The following TPST2 variants were observed in gnomAD, a reference collection of about 807,000 sequenced individuals.
TPST2 encodes the protein protein-tyrosine sulfotransferase 2.
Under a neutral mutation model 27.8 loss-of-function variants are expected in TPST2, and 16 were observed. The observed-to-expected ratio is 0.58, with a 90% CI of 0.39 to 0.88. TPST2 has a LOEUF of 0.88. TPST2 is among the 40% of genes least tolerant of loss of function. TPST2 has a pLI of 0.00. For missense variants in TPST2, 464 were observed against 543.1 expected, an observed-to-expected ratio of 0.85 and a Z score of 1.45; for synonymous variants, 229 against 231.7, an observed-to-expected ratio of 0.99 and a Z score of 0.10.
At chr22:26,535,116 AG>A (rs1925379107) in intron 4 of TPST2, among the ~76,000 whole-genome samples, 1 of 152,234 alleles carries the variant, frequency 6.6e-6, no homozygotes, top group Non-Finnish European at 1.5e-5. Context: ...AGTGAGTGCT[AG>A]AGAGGTGGTA....
At chr22:26,549,996 T>C (rs5761590) in intron 1 of TPST2, among the ~76,000 whole-genome samples, 86,604 of 148,246 alleles carry the variant, frequency 0.58, 25,631 homozygotes, top group Non-Finnish European at 0.62. Flanking sequence ...GCCGAGATCA[T>C]GCCACTGCAC....
Position 26,534,582 on chromosome 22 carries a change from G to A in TPST2, c.1041+1706C>T, listed in dbSNP as rs189805588. Among the ~76,000 whole-genome samples, 436 of 152,298 alleles carry A rather than the reference G, an allele frequency of 2.9e-3. 1 individual carries two copies. The highest frequency in any genetic ancestry group is 0.01 in the Middle Eastern group (3 of 294). On this transcript the variant is annotated intron_variant, in intron 4 of 6. Transcript: ENST00000338754. ...TAGCCTGGGGCAAGCCAGGGGCAGC[G>A]AGCCACCTTTTAAGGAGACCCCAGA...
intron 1 of TPST2, among the ~76,000 whole-genome samples, chr22:26,559,363 C>T (rs1926966487): frequency 6.6e-6 from 1 of 151,858 alleles, no homozygotes; most frequent in South Asian, 2.1e-4. Context: ...GAAACTCCAT[C>T]TCAAAAAAAA....
intron 1 of TPST2, among the ~76,000 whole-genome samples, chr22:26,556,796 A>G (rs1457242956): frequency 6.6e-6 from 1 of 152,182 alleles, no homozygotes; most frequent in Non-Finnish European, 1.5e-5. Flanking sequence ...AGGAGTCTAG[A>G]TTCACCTTCC....
chr22:26,554,442 C>T (rs530084872), intron 1 of TPST2, among the ~76,000 whole-genome samples: 5 of 152,294 alleles, frequency 3.3e-5, no homozygotes. Context: ...CCCTCACCCC[C>T]ACCCACCATG....
chr22:26,560,820 CCTT>C (rs1927048505), intron 1 of TPST2: 4 of 1,489,030 alleles, frequency 2.7e-6, no homozygotes, highest in Non-Finnish European at 2.8e-6. Flanking sequence ...CAAGAGGACT[CCTT>C]CGGCCTTCTT....
intron 1 of TPST2, among the ~76,000 whole-genome samples, chr22:26,582,852 A>G (rs1304476526): frequency 6.6e-6 from 1 of 152,126 alleles, no homozygotes; most frequent in Non-Finnish European, 1.5e-5. Context: ...CTTCTGGGAA[A>G]TGGCGTGGTC....
intron 5 of TPST2, among the ~76,000 whole-genome samples, chr22:26,532,020 G>A (rs1191843434): frequency 6.6e-6 from 1 of 152,216 alleles, no homozygotes; most frequent in Non-Finnish European, 1.5e-5. Context: ...TGTAGTCTCA[G>A]CTTCTTGAGG....
rs565103899 is a variant in TPST2 at position 26,524,806 on chromosome 22, C to G, written c.*1469G>C. The G allele has an allele frequency of 6.6e-6, 1 of 152,238 alleles. No homozygotes were observed. Among genetic ancestry groups the G allele is most frequent in the Non-Finnish European group, 1.5e-5 (1 of 68,060 alleles). The allele number at this position is 152,238 out of a possible 1,614,324, so 9.4% of individuals were successfully genotyped here. ...TCAGCAGGCTTGAAGTGTCCAAACC[C>G]AGCACATCTCAAAGAAAAAACTGGC... On this transcript the variant is annotated 3_prime_UTR_variant, in exon 7 of 7. Transcript: ENST00000338754.
chr22:26,536,537 T>C, intron 3 of TPST2, 51 bp from the exon 4 acceptor site: 2 of 1,417,536 alleles, frequency 1.4e-6, no homozygotes, highest in South Asian at 1.7e-5. Context: ...AGATGGCGCC[T>C]GAGCGGATTC....
intron 6 of TPST2, among the ~76,000 whole-genome samples, chr22:26,527,363 G>T (rs1924898567): frequency 6.6e-6 from 1 of 152,076 alleles, no homozygotes; most frequent in Non-Finnish European, 1.5e-5. Context: ...CACAGCGAGG[G>T]CCCAGCACTT....
At chr22:26,534,905 G>T (rs1014933752) in intron 4 of TPST2, among the ~76,000 whole-genome samples, 8 of 152,002 alleles carry the variant, frequency 5.3e-5, no homozygotes, top group Non-Finnish European at 1.0e-4. Context: ...ACCACATCTG[G>T]GTTGCAGCCA....
At chr22:26,542,111 G>A (rs189085938) in intron 2 of TPST2, among the ~76,000 whole-genome samples, 239 of 152,130 alleles carry the variant, frequency 1.6e-3, no homozygotes, top group Non-Finnish European at 2.3e-3. Context: ...GCATGGTGGC[G>A]GGCGCCTGTA....
intron 5 of TPST2, among the ~76,000 whole-genome samples, chr22:26,529,134 G>A (rs1374556053): frequency 6.6e-6 from 1 of 151,948 alleles, no homozygotes; most frequent in Non-Finnish European, 1.5e-5. Flanking sequence ...AACTTTTTTT[G>A]TTGTTTGAGA....
intron 1 of TPST2, among the ~76,000 whole-genome samples, chr22:26,573,679 G>A (rs557036437): frequency 2.0e-5 from 3 of 152,306 alleles, no homozygotes; most frequent in East Asian, 3.9e-4. Flanking sequence ...TCAACAAGAT[G>A]GCCTCAACCT....
At chr22:26,535,322 G>A (rs1925392191) in intron 4 of TPST2, among the ~76,000 whole-genome samples, 1 of 152,210 alleles carries the variant, frequency 6.6e-6, no homozygotes, top group South Asian at 2.1e-4. Context: ...GGCTGTGAAA[G>A]CTCTTCCTCA....
chr22:26,583,827 C>T (rs530792920), intron 1 of TPST2, among the ~76,000 whole-genome samples: 2 of 151,870 alleles, frequency 1.3e-5, no homozygotes, highest in South Asian at 2.1e-4. Flanking sequence ...GCGACAAGAG[C>T]GAGACTTCGT....
chr22:26,579,487 T>C (rs1030108783), intron 1 of TPST2, among the ~76,000 whole-genome samples: 4 of 152,140 alleles, frequency 2.6e-5, no homozygotes, highest in Admixed American at 2.6e-4. Context: ...AACCATGGCC[T>C]TGTAGGGCGG....
intron 1 of TPST2, among the ~76,000 whole-genome samples, chr22:26,585,235 T>G (rs1928297693): frequency 6.6e-6 from 1 of 152,132 alleles, no homozygotes; most frequent in South Asian, 2.1e-4. Flanking sequence ...CAGTCAAAAG[T>G]CTTACTGATA....
Sources: gnomAD v4.1 joint callset for allele counts (sites outside exome capture counted in the v4.1 genomes callset) on GRCh38, gnomAD v4.1.1 for gene constraint, MANE v1.5 for transcripts, NCBI Gene and HGNC (gene_info 2026-07-23, HGNC 2026-07-21) for gene names.